AKAP9: variants seen among roughly 807,000 people sequenced by gnomAD.
AKAP9 encodes A-kinase anchor protein 9.
A neutral mutation model predicts 488.5 loss-of-function variants in AKAP9; 311 were observed. The ratio of observed to expected loss-of-function variants is 0.64; its 90% CI spans 0.58 to 0.70. AKAP9 has a LOEUF of 0.70. AKAP9 is among the 30% of genes least tolerant of loss of function. The probability of loss-of-function intolerance (pLI) is 0.00; values close to 1 mark genes in which losing one functional copy is unlikely to be tolerated. For synonymous variants in AKAP9, 1,462 were observed against 1,483.5 expected, an observed-to-expected ratio of 0.99 and a Z score of 0.33; for missense variants, 4,215 against 4,374.5, an observed-to-expected ratio of 0.96 and a Z score of 1.03.
Position 92,097,036 on chromosome 7 carries a change from A to T in AKAP9, c.10077A>T (p.Ile3359=), listed in dbSNP as rs761460936. 16 of 1,614,230 alleles carry T rather than the reference A, an allele frequency of 9.9e-6. No individual in the cohort carries two copies. Among genetic ancestry groups the T allele is most frequent in the Non-Finnish European group, 1.4e-5 (16 of 1,180,036 alleles). The change falls in exon 41 of 50, where the codon ATA becomes ATT. Residue 3359 remains isoleucine (I), a synonymous_variant. Coordinates refer to ENST00000356239, the MANE Select transcript of AKAP9 (RefSeq NM_005751.5). ...QKQLEEKHSR[I]VELLNETEKY... is the part of the protein sequence containing the mutation. ...AGCTAGAGGAAAAACACAGTCGCATAGTAGAATTGTTAAATGAGACTGAAA... is the reference window on the plus strand; with the variant it reads ...AGCTAGAGGAAAAACACAGTCGCATTGTAGAATTGTTAAATGAGACTGAAA...
At chr7:92,061,137 A>G in intron 22 of AKAP9, 123 bp from the exon 23 acceptor site, 1 of 1,144,648 alleles carries the variant, frequency 8.7e-7, no homozygotes, top group South Asian at 1.3e-5. Context: ...CAATATCTAA[A>G]TGACTACAAT....
chr7:92,085,380 C>G (rs753334555), intron 35 of AKAP9, 115 bp from the exon 36 acceptor site: 17 of 1,002,496 alleles, frequency 1.7e-5, no homozygotes, highest in Non-Finnish European at 2.6e-5. Flanking sequence ...TAATGTTGGG[C>G]TGGAGTTTTC....
intron 1 of AKAP9, among the ~76,000 whole-genome samples, chr7:91,955,035 G>T (rs1280240118): frequency 1.3e-5 from 2 of 152,140 alleles, no homozygotes; most frequent in Non-Finnish European, 2.9e-5. Context: ...TATGATTATT[G>T]TATGACACAC....
rs139479927 is a variant in AKAP9 at position 92,093,219 on chromosome 7, G to T, written c.9481G>T (p.Val3161Phe). The T allele has an allele frequency of 6.2e-6, 10 of 1,614,036 alleles. No homozygotes were observed. In the African/African-American group the frequency reaches 1.3e-4, roughly 22 times the overall value. Residue 3161 changes from valine to phenylalanine, a missense_variant, in exon 39 of 50, where the codon GTT becomes TTT. Transcript: ENST00000356239. ...GCAGCTGAGTTCTGAGAAAATGGTG[G>T]TTGCTGAACTGAAGAGTGAGCTTGC... ...QEQLSSEKMVVAELKSELAQT... is the reference protein window; with the variant it reads ...QEQLSSEKMVFAELKSELAQT...
intron 47 of AKAP9, 96 bp from the exon 48 acceptor site, chr7:92,107,197 T>A: frequency 8.6e-7 from 1 of 1,166,414 alleles, no homozygotes; most frequent in Non-Finnish European, 1.3e-6. Flanking sequence ...TATAATATAG[T>A]ATAATAGTCT....
intron 26 of AKAP9, 67 bp downstream of exon 26, chr7:92,066,613 C>T: frequency 6.4e-7 from 1 of 1,569,958 alleles, no homozygotes; most frequent in South Asian, 1.1e-5. Context: ...AGATGCATAT[C>T]ATTAAAAACT....
intron 7 of AKAP9, among the ~76,000 whole-genome samples, chr7:91,996,502 T>C (rs1645984368): frequency 6.6e-6 from 1 of 152,162 alleles, no homozygotes; most frequent in South Asian, 2.1e-4. Flanking sequence ...TACACTGCAC[T>C]ACCTCGGGTC....
chr7:91,993,084 T>C (rs1304861149), intron 5 of AKAP9, 29 bp downstream of exon 5: 1 of 1,613,532 alleles, frequency 6.2e-7, no homozygotes, highest in Admixed American at 1.7e-5. Context: ...GCTTTTGATT[T>C]GCTACTCACA....
intron 12 of AKAP9, 87 bp from the exon 13 acceptor site, chr7:92,022,151 T>C (rs1223049763): frequency 7.6e-6 from 8 of 1,052,376 alleles, no homozygotes; most frequent in Non-Finnish European, 1.2e-5. Flanking sequence ...TAAAAAAGCA[T>C]CTTAAATGCA....
At chr7:92,077,354 G>C (rs1812783936) in intron 29 of AKAP9, among the ~76,000 whole-genome samples, 1 of 151,968 alleles carries the variant, frequency 6.6e-6, no homozygotes, top group African/African-American at 2.4e-5. Flanking sequence ...GCCTCCCAAA[G>C]TGCTGGGATT....
chr7:91,974,046 C>A, intron 2 of AKAP9, 78 bp downstream of exon 2: 1 of 1,535,708 alleles, frequency 6.5e-7, no homozygotes, highest in Non-Finnish European at 9.0e-7. Context: ...AGCAACTGTG[C>A]GCAATTTGAT....
At chr7:92,025,879 C>T (rs1803031207) in intron 14 of AKAP9, among the ~76,000 whole-genome samples, 1 of 152,140 alleles carries the variant, frequency 6.6e-6, no homozygotes, top group African/African-American at 2.4e-5. Context: ...AGTGTAATCA[C>T]TGAAATAATA....
At chr7:92,057,795 T>C (rs1809048137) in intron 22 of AKAP9, 1 of 223,302 alleles carries the variant, frequency 4.5e-6, no homozygotes, top group Non-Finnish European at 8.9e-6. Context: ...TTATTGCTCG[T>C]CTAATTAGAT....
intron 21 of AKAP9, among the ~76,000 whole-genome samples, chr7:92,047,665 T>C (rs1340449560): frequency 6.6e-6 from 1 of 152,234 alleles, no homozygotes; most frequent in Non-Finnish European, 1.5e-5. Flanking sequence ...AGTCATAATA[T>C]TTAATATTTT....
At chr7:92,082,772 A>G in intron 32 of AKAP9, 110 bp downstream of exon 32, 1 of 1,263,614 alleles carries the variant, frequency 7.9e-7, no homozygotes, top group Non-Finnish European at 1.1e-6. Flanking sequence ...AAAGCTAGAT[A>G]AAAAGTATTT....
chr7:92,073,347 A>AC, intron 28 of AKAP9, among the ~76,000 whole-genome samples: 1 of 150,784 alleles, frequency 6.6e-6, no homozygotes, highest in Non-Finnish European at 1.5e-5. Flanking sequence ...ATACAAAAAA[A>AC]AAAAAAAAAT....
At chr7:92,045,840 T>C (rs1806894828) in intron 21 of AKAP9, among the ~76,000 whole-genome samples, 1 of 144,882 alleles carries the variant, frequency 6.9e-6, no homozygotes, top group Admixed American at 6.9e-5. Context: ...CTTTTTTTTT[T>C]TTTTTTTTTT....
At chr7:92,063,579 C>T in intron 24 of AKAP9, 6 of 740,456 alleles carry the variant, frequency 8.1e-6, no homozygotes, top group Non-Finnish European at 9.9e-6. Context: ...GGATTTTCAG[C>T]CAACTAACAT....
chr7:92,027,244 CCA>C (rs1803389704), intron 14 of AKAP9, among the ~76,000 whole-genome samples: 3 of 138,610 alleles, frequency 2.2e-5, no homozygotes, highest in South Asian at 2.4e-4. Context: ...GCCCGGCTGC[CCA>C]TCGTCTGGGA....
Sources: gnomAD v4.1 joint callset for allele counts (sites outside exome capture counted in the v4.1 genomes callset) on GRCh38, gnomAD v4.1.1 for gene constraint, MANE v1.5 for transcripts, NCBI Gene and HGNC (gene_info 2026-07-23, HGNC 2026-07-21) for gene names.